Variants in NDUFA10 observed in about 807,000 individuals in gnomAD.
NDUFA10 encodes the protein NADH dehydrogenase [ubiquinone] 1 alpha subcomplex subunit 10, mitochondrial.
Under a neutral mutation model 47.8 loss-of-function variants are expected in NDUFA10, and 40 were observed. The observed-to-expected ratio is 0.84, with a 90% CI of 0.65 to 1.09. The LOEUF (loss-of-function observed/expected upper bound fraction) is 1.09. Ranked by LOEUF, NDUFA10 falls within the 50% of genes least tolerant of loss-of-function variation. The pLI is 0.00. For missense variants in NDUFA10, 413 were observed against 451.1 expected (o/e 0.92, Z 0.76); for synonymous variants, 183 against 172.2 (o/e 1.06, Z -0.49).
At chr2:239,962,750 C>T (rs543728182) in intron 9 of NDUFA10, among the ~76,000 whole-genome samples, 28 of 152,302 alleles carry the variant, frequency 1.8e-4, no homozygotes, top group African/African-American at 5.1e-4. Context: ...CCTCAGGAAG[C>T]TTCCAATCAT....
intron 9 of NDUFA10, among the ~76,000 whole-genome samples, chr2:239,966,101 C>A (rs1320619204): frequency 6.6e-6 from 1 of 152,250 alleles, no homozygotes; most frequent in Non-Finnish European, 1.5e-5. Context: ...CCACCCATGA[C>A]CCTGGCGTGT....
At chr2:239,995,736 A>C (rs1696446361) in intron 8 of NDUFA10, among the ~76,000 whole-genome samples, 1 of 152,216 alleles carries the variant, frequency 6.6e-6, no homozygotes, top group Non-Finnish European at 1.5e-5. Context: ...TCGAGATAGA[A>C]GAGGAAAAAA....
rs1200628527 is a variant in NDUFA10 at position 239,958,166 on chromosome 2, C to G, written c.*2952G>C. ...ACACAAGCTTTTCTTCAAAAAGCCC[C>G]AATTTCTGACAGCCATGGCAGCTTT... On this transcript the variant is annotated 3_prime_UTR_variant, in exon 10 of 10. Transcript: ENST00000252711. 6.6e-6 allele frequency: 1 copy of G among 152,182 alleles called. No individual in the cohort carries two copies. Among genetic ancestry groups the G allele is most frequent in the Non-Finnish European group, 1.5e-5 (1 of 68,028 alleles). The allele number at this position is 152,182 out of a possible 1,614,324, so 9.4% of individuals were successfully genotyped here. A position where few individuals can be genotyped will look rare whatever the true frequency, so the allele number is the denominator to read the frequency against.
At chr2:239,908,807 G>C (rs999218370) in intron 4 of NDUFA10, among the ~76,000 whole-genome samples, 2 of 152,152 alleles carry the variant, frequency 1.3e-5, no homozygotes, top group Non-Finnish European at 2.9e-5. Context: ...CCTTCCCATG[G>C]GGTTGCACAC....
rs531863562 is a variant in NDUFA10, at chr2:239,920,983, T to C, written c.295-25669A>G. 3.3e-5 allele frequency among the ~76,000 whole-genome samples: 5 copies of C among 152,168 alleles called. No homozygotes were observed. The East Asian group carries it at 9.7e-4, about 29-fold the overall frequency. On this transcript the variant is annotated intron_variant, in intron 4 of 5. Coordinates refer to the NDUFA10 transcript ENST00000419408. ...GGGAAGGCTGAATGCCTAGAGATGA[T>C]TGTCCAGGAAGTAGCATCTTCCACA...
intron 4 of NDUFA10, among the ~76,000 whole-genome samples, chr2:239,919,069 G>A (rs900291398): frequency 1.4e-4 from 21 of 152,190 alleles, no homozygotes; most frequent in Admixed American, 2.6e-4. Context: ...GTCTCTCCAG[G>A]TCTAAGCACC....
rs781346266 is a variant in NDUFA10, at chr2:239,987,301, G to A, written c.999+2773C>T. Reference sequence around the variant, plus strand: ...TGTGAGAATTACACATTCAAGCCACGATTCTCAAACCAGGCGCTGTGCATC... The same window carrying A: ...TGTGAGAATTACACATTCAAGCCACAATTCTCAAACCAGGCGCTGTGCATC... On this transcript the variant is annotated intron_variant, in intron 9 of 9. Transcript: ENST00000252711. This position sits in a 1 kb window ranked among gnomAD's most constrained non-coding sequence, Gnocchi z 4.8. Among the ~76,000 whole-genome samples, 2 of 151,964 alleles carry A rather than the reference G, an allele frequency of 1.3e-5. No homozygotes were observed. The highest frequency in any genetic ancestry group is 2.9e-5 in the Non-Finnish European group (2 of 67,978).
chr2:240,021,194 C>T lies in NDUFA10; in HGVS notation c.460+3G>A, dbSNP rs1459158787. On this transcript the variant is annotated splice_donor_region_variant and intron_variant, in intron 3 of 9. Transcript: ENST00000252711. ...CAGATCTAACTGCCCAGAAATACTGCACCTGTGGTCAGCAAGTGCTCCAAG... is the reference window on the plus strand; with the variant it reads ...CAGATCTAACTGCCCAGAAATACTGTACCTGTGGTCAGCAAGTGCTCCAAG... The T allele has an allele frequency of 1.2e-6, 2 of 1,612,460 alleles. No individual in the cohort carries two copies. Among genetic ancestry groups the T allele is most frequent in the African/African-American group, 1.3e-5 (1 of 74,868 alleles).
chr2:239,934,395 G>A (rs1234645578), intron 4 of NDUFA10, among the ~76,000 whole-genome samples: 1 of 111,760 alleles, frequency 8.9e-6, no homozygotes, highest in Non-Finnish European at 1.7e-5. Flanking sequence ...GACGAACCAC[G>A]AACCAAATCT....
intron 9 of NDUFA10, among the ~76,000 whole-genome samples, chr2:239,984,317 T>G (rs2106433676): frequency 6.6e-6 from 1 of 152,118 alleles, no homozygotes; most frequent in South Asian, 2.1e-4. Context: ...ACAGAAGAAG[T>G]TAATAAAATG....
In NDUFA10 at chr2:239,976,317, C is replaced by T. The variant is rs115077195; in HGVS notation, c.999+13757G>A. Among the ~76,000 whole-genome samples, 846 of 152,274 alleles carry T rather than the reference C, an allele frequency of 5.6e-3. 12 individuals carry two copies. Among genetic ancestry groups the T allele is most frequent in the African/African-American group, 0.019 (809 of 41,554 alleles). On this transcript the variant is annotated intron_variant, in intron 9 of 9. Transcript: ENST00000252711. ...AGACCCTGTGCGATCTCGCCCCACT[C>T]GCCACCCTCCCCACCTGTTCTGTCT...
At chr2:239,982,768 A>G (rs1574845630) in intron 9 of NDUFA10, among the ~76,000 whole-genome samples, 2 of 152,218 alleles carry the variant, frequency 1.3e-5, no homozygotes, top group Non-Finnish European at 2.9e-5. Flanking sequence ...CACCATTAGT[A>G]TTTGTTTTCA....
rs1694713819 is a variant in NDUFA10, at chr2:239,958,191, T to G, written c.*2927A>C. 6.6e-6 allele frequency: 1 copy of G among 152,214 alleles called. No individual in the cohort carries two copies. The highest frequency in any genetic ancestry group is 2.1e-4 in the South Asian group (1 of 4,828). 9.4% of individuals were successfully genotyped at this position (152,214 alleles called of 1,614,324 possible). A position where few individuals can be genotyped will look rare whatever the true frequency, so the allele number is the denominator to read the frequency against. On this transcript the variant is annotated 3_prime_UTR_variant, in exon 10 of 10. Transcript: ENST00000252711. ...CAATTTCTGACAGCCATGGCAGCTTTCCCTCCACCCCTATTTTGCCAAACC... is the reference window on the plus strand; with the variant it reads ...CAATTTCTGACAGCCATGGCAGCTTGCCCTCCACCCCTATTTTGCCAAACC...
chr2:239,898,301 AGCC>A (rs1693438575), intron 4 of NDUFA10, among the ~76,000 whole-genome samples: 1 of 152,228 alleles, frequency 6.6e-6, no homozygotes, highest in Non-Finnish European at 1.5e-5. Flanking sequence ...GTACCTAGAA[AGCC>A]AAGTCCCTTA....
rs1324920688 is a variant in NDUFA10 at position 239,957,797 on chromosome 2, C to T, written c.*3321G>A. On this transcript the variant is annotated 3_prime_UTR_variant, in exon 10 of 10. Coordinates refer to ENST00000252711, the MANE Select transcript of NDUFA10 (RefSeq NM_004544.4). ...CCTCCTGGAATTCAGGTGGCAATGT[C>T]CAACATCCAAACTCACAGAGCCTGG... 1.3e-5 allele frequency: 2 copies of T among 152,198 alleles called. No individual in the cohort carries two copies. The highest frequency in any genetic ancestry group is 2.9e-5 in the Non-Finnish European group (2 of 68,058). The allele number at this position is 152,198 out of a possible 1,614,324, so 9.4% of individuals were successfully genotyped here. A position where few individuals can be genotyped will look rare whatever the true frequency, so the allele number is the denominator to read the frequency against.
At chr2:239,895,703 T>C (rs1035275018) in intron 4 of NDUFA10, among the ~76,000 whole-genome samples, 16 of 152,224 alleles carry the variant, frequency 1.1e-4, no homozygotes, top group Non-Finnish European at 1.6e-4. Flanking sequence ...TAGATCCCCA[T>C]GCAGAAACAC....
chr2:239,974,870 CTA>C (rs1000813984), intron 9 of NDUFA10, among the ~76,000 whole-genome samples: 11 of 71,968 alleles, frequency 1.5e-4, no homozygotes, highest in South Asian at 4.7e-4. Context: ...TCATTTAAAA[CTA>C]TGTGACACTC....
At chr2:239,914,303 TCAAA>T (rs1261890233) in intron 4 of NDUFA10, among the ~76,000 whole-genome samples, 12 of 68,870 alleles carry the variant, frequency 1.7e-4, no homozygotes, top group South Asian at 4.4e-4. Context: ...ACAGAGATAC[TCAAA>T]CACACACACA....
At chr2:240,024,225 T>C (rs1697759210) in intron 1 of NDUFA10, among the ~76,000 whole-genome samples, 1 of 152,270 alleles carries the variant, frequency 6.6e-6, no homozygotes, top group African/African-American at 2.4e-5. Context: ...GCAACCAAGA[T>C]GCCCTTCAAT....
Sources: gnomAD v4.1 joint callset for allele counts (sites outside exome capture counted in the v4.1 genomes callset) on GRCh38, gnomAD v4.1.1 for gene constraint, Gnocchi (gnomAD v3.1) non-coding constraint, MANE v1.5 for transcripts, NCBI Gene and HGNC (gene_info 2026-07-23, HGNC 2026-07-21) for gene names.